The following POPDC3 variants were observed in gnomAD, a reference collection of about 807,000 sequenced individuals.
The protein encoded by POPDC3 is popeye domain-containing protein 3.
A neutral mutation model predicts 28.2 loss-of-function variants in POPDC3; 20 were observed. The ratio of observed to expected loss-of-function variants is 0.71; its 90% CI spans 0.50 to 1.03. The LOEUF is 1.03. Ranked by LOEUF, POPDC3 falls within the 50% of genes least tolerant of loss-of-function variation. POPDC3 has a pLI of 0.00. For missense variants in POPDC3, 316 were observed against 345.9 expected (o/e 0.91, Z 0.69); for synonymous variants, 118 against 124.1 (o/e 0.95, Z 0.33).
chr6:105,163,741 A>G (rs1279545952), intron 1 of POPDC3: 4 of 152,180 alleles, frequency 2.6e-5, no homozygotes, highest in African/African-American at 9.7e-5. Flanking sequence ...TTCTTTTCTC[A>G]GTAAGTAATG....
intron 1 of POPDC3, among the ~76,000 whole-genome samples, chr6:105,173,058 C>G (rs563984999): frequency 2.6e-5 from 4 of 152,112 alleles, no homozygotes; most frequent in Non-Finnish European, 5.9e-5. Flanking sequence ...TTGTTGCATA[C>G]TAAATTTTAA....
chr6:105,166,813 T>A, intron 1 of POPDC3: 1 of 333,102 alleles, frequency 3.0e-6, no homozygotes, highest in Non-Finnish European at 6.2e-6. Context: ...CACAATTTTT[T>A]AATTTTTTCA....
At chr6:105,178,377 A>AT (rs1489507106) in intron 1 of POPDC3, among the ~76,000 whole-genome samples, 1 of 152,168 alleles carries the variant, frequency 6.6e-6, no homozygotes, top group East Asian at 1.9e-4. Flanking sequence ...CCCATGACAC[A>AT]TTTTTATTTA....
intron 1 of POPDC3, among the ~76,000 whole-genome samples, chr6:105,170,220 G>A (rs553824402): frequency 6.6e-6 from 1 of 152,254 alleles, no homozygotes; most frequent in East Asian, 1.9e-4. Context: ...GGCATAAGCA[G>A]GAAGCCATTC....
intron 1 of POPDC3, among the ~76,000 whole-genome samples, chr6:105,174,682 G>C (rs1478208984): frequency 6.6e-6 from 1 of 152,122 alleles, no homozygotes. Context: ...GTGAGTCAGG[G>C]ACTGTCTGGA....
At chr6:105,171,101 G>A (rs9486046) in intron 1 of POPDC3, among the ~76,000 whole-genome samples, 15,920 of 152,202 alleles carry the variant, frequency 0.1, 1,916 homozygotes, top group African/African-American at 0.3. Flanking sequence ...AAGATAGCTG[G>A]TAGATGTTTG....
chr6:105,179,294 AGT>A, intron 1 of POPDC3: 1 of 976,426 alleles, frequency 1.0e-6, no homozygotes, highest in Non-Finnish European at 1.2e-6. Flanking sequence ...CTGTGAGAAC[AGT>A]GTGAGAGCAC....
intron 1 of POPDC3, among the ~76,000 whole-genome samples, chr6:105,166,332 A>G (rs1546008): frequency 0.036 from 5,421 of 152,294 alleles, 115 homozygotes; most frequent in African/African-American, 0.055. Flanking sequence ...GCCCAGCTCC[A>G]GAGACTGTTA....
At chr6:105,167,354 A>G (rs997252165) in intron 1 of POPDC3, among the ~76,000 whole-genome samples, 4 of 152,230 alleles carry the variant, frequency 2.6e-5, no homozygotes, top group Non-Finnish European at 5.9e-5. Context: ...TTACTATCAC[A>G]CAGGTCAATG....
chr6:105,162,664 A>T (rs1303666762), intron 1 of POPDC3, among the ~76,000 whole-genome samples: 1 of 152,250 alleles, frequency 6.6e-6, no homozygotes, highest in Non-Finnish European at 1.5e-5. Flanking sequence ...CTTGGGAGAC[A>T]GGCTTCAGTG....
intron 2 of POPDC3, among the ~76,000 whole-genome samples, chr6:105,160,482 G>A (rs888569084): frequency 7.9e-5 from 12 of 151,956 alleles, no homozygotes; most frequent in African/African-American, 2.9e-4. Context: ...CCAAAGTGCT[G>A]GGATTACAGG....
chr6:105,162,529 C>T (rs1774359010), intron 1 of POPDC3, among the ~76,000 whole-genome samples: 2 of 151,994 alleles, frequency 1.3e-5, no homozygotes, highest in Admixed American at 6.6e-5. Flanking sequence ...GCCAGAAGTT[C>T]GAGACCAGCC....
chr6:105,179,138 A>G (rs1774733867), intron 1 of POPDC3: 1 of 985,344 alleles, frequency 1.0e-6, no homozygotes, highest in Non-Finnish European at 1.2e-6. Flanking sequence ...CCTAAAATAC[A>G]GACCCTCAAA....
rs190998494 is a variant in POPDC3 at position 105,174,628 on chromosome 6, C to T, written c.-252+5205G>A. Among the ~76,000 whole-genome samples, 365 of 152,306 alleles carry T rather than the reference C, an allele frequency of 2.4e-3. 2 individuals carry two copies. The highest frequency in any genetic ancestry group is 4.2e-3 in the Non-Finnish European group (285 of 68,028). On this transcript the variant is annotated intron_variant, in intron 1 of 3. Coordinates refer to ENST00000254765, the MANE Select transcript of POPDC3 (RefSeq NM_022361.5). Reference sequence around the variant, plus strand: ...GTTGAGCATACTGACTGTGTATTGTCTCTGCACCATTATAAAGTTGAAAAA... The same window carrying T: ...GTTGAGCATACTGACTGTGTATTGTTTCTGCACCATTATAAAGTTGAAAAA...
intron 1 of POPDC3, among the ~76,000 whole-genome samples, chr6:105,179,499 G>A (rs1048036308): frequency 2.0e-5 from 3 of 152,168 alleles, no homozygotes; most frequent in Non-Finnish European, 4.4e-5. Context: ...AAAGATCTGG[G>A]AGGAATATTC....
chr6:105,161,787 G>GAA lies in POPDC3; in HGVS notation c.121_122dup (p.Met42SerfsTer30), dbSNP rs1456820147. ...GCCCGAAGAATCCACTGCCACCCATGAAACCTACTACAAATAAAATACTGG... is the reference window on the plus strand; with the variant it reads ...GCCCGAAGAATCCACTGCCACCCATGAAAAACCTACTACAAATAAAATACTGG... On this transcript the variant is annotated frameshift_variant, in exon 2 of 4. Transcript: ENST00000254765. LOFTEE classifies it high-confidence loss of function. The GAA allele has an allele frequency of 6.2e-7, 1 of 1,614,068 alleles. No homozygotes were observed. The highest frequency in any genetic ancestry group is 8.5e-7 in the Non-Finnish European group (1 of 1,180,048).
In POPDC3 at chr6:105,161,737, C is replaced by G. The variant is rs1383608137; in HGVS notation, c.173G>C (p.Gly58Ala). 1.2e-6 allele frequency: 2 copies of G among 1,614,136 alleles called. No individual in the cohort carries two copies. ...FGLLYVFSLLGLGFLCSAVWA... is the reference protein window; with the variant it reads ...FGLLYVFSLLALGFLCSAVWA... ...GACAGCAGAACAGAGAAAACCCAAC[C>G]CCAGCAAACTGAAGACATAAAGGAG... The change falls in exon 2 of 4, where the codon GGG becomes GCG. Residue 58 changes from glycine to alanine, a missense_variant. Transcript: ENST00000254765.
intron 1 of POPDC3, chr6:105,168,795 C>T (rs947517275): frequency 3.3e-5 from 5 of 152,224 alleles, no homozygotes; most frequent in Non-Finnish European, 7.3e-5. Context: ...TGTGCTCCTA[C>T]TGGAAGAAGG....
At position 105,168,248 on chromosome 6, in the gene POPDC3, C is replaced by T. The variant is rs1005387607; in HGVS notation, c.-251-6088G>A. ...TTTTGCCTGAGGACAGTTCCCCTTT[C>T]CCAAACAATTATATTACATGGTTTA... is the stretch of plus-strand genomic sequence containing the variant. On this transcript the variant is annotated intron_variant, in intron 1 of 3. Transcript: ENST00000254765. 1.4e-4 allele frequency among the ~76,000 whole-genome samples: 21 copies of T among 152,136 alleles called. 1 individual carries two copies. Among genetic ancestry groups the T allele is most frequent in the South Asian group, 4.1e-4 (2 of 4,828 alleles).
Sources: gnomAD v4.1 joint callset for allele counts (sites outside exome capture counted in the v4.1 genomes callset) on GRCh38, gnomAD v4.1.1 for gene constraint, MANE v1.5 for transcripts, NCBI Gene and HGNC (gene_info 2026-07-23, HGNC 2026-07-21) for gene names.